Variants in CDK6 observed in about 807,000 individuals in gnomAD.
CDK6 encodes the protein cyclin-dependent kinase 6.
A neutral mutation model predicts 37.1 loss-of-function variants in CDK6; 6 were observed. That is an observed-to-expected ratio of 0.16 (90% CI 0.09 to 0.32). The LOEUF (loss-of-function observed/expected upper bound fraction) is 0.32, where lower values mean the gene tolerates loss of function less well. Ranked by LOEUF, CDK6 falls within the 10% of genes least tolerant of loss-of-function variation. The probability of loss-of-function intolerance (pLI) is 1.00; values close to 1 mark genes in which losing one functional copy is unlikely to be tolerated. For missense variants in CDK6, 224 were observed against 418.9 expected, an observed-to-expected ratio of 0.53 and a Z score of 4.06; for synonymous variants, 160 against 161.3, an observed-to-expected ratio of 0.99 and a Z score of 0.06.
intron 2 of CDK6, among the ~76,000 whole-genome samples, chr7:92,782,324 G>A (rs930077073): frequency 6.6e-6 from 1 of 152,042 alleles, no homozygotes; most frequent in Non-Finnish European, 1.5e-5. Context: ...ACCACAGATG[G>A]TCTCTGCCTT....
chr7:92,635,056 A>T (rs1489352065), intron 5 of CDK6, among the ~76,000 whole-genome samples: 2 of 152,236 alleles, frequency 1.3e-5, no homozygotes, highest in African/African-American at 2.4e-5. Context: ...AATAATGTGC[A>T]GTAAGTGCTC....
intron 2 of CDK6, among the ~76,000 whole-genome samples, chr7:92,814,778 G>A (rs1800983439): frequency 6.6e-6 from 1 of 152,012 alleles, no homozygotes; most frequent in African/African-American, 2.4e-5. Flanking sequence ...GAAATAAGGT[G>A]ATGGAAGAAG....
rs1028508292 is a variant in CDK6 at position 92,724,959 on chromosome 7, A to G, written c.537+667T>C. ...ATCCATCTGAGAAATAATGAACTAT[A>G]TGGAGAAATAGAAGCTAACCAATGT... On this transcript the variant is annotated intron_variant, in intron 4 of 7. Coordinates refer to ENST00000424848, the MANE Select transcript of CDK6 (RefSeq NM_001145306.2). 8.9e-6 allele frequency: 8 copies of G among 901,982 alleles called. No individual in the cohort carries two copies. In the East Asian group the frequency reaches 7.1e-4, roughly 80 times the overall value. 55.9% of individuals were successfully genotyped at this position (901,982 alleles called of 1,614,324 possible).
rs547758000 is a variant in CDK6 at position 92,824,143 on chromosome 7, GA to G, written c.233+8947del. Among the ~76,000 whole-genome samples the G allele has an allele frequency of 7.4e-3, 996 of 134,532 alleles. 4 individuals are homozygous for G. The highest frequency in any genetic ancestry group is 0.044 in the Middle Eastern group (12 of 270). 88.3% of individuals were successfully genotyped at this position (134,532 alleles called of 152,430 possible). The stretch of plus-strand genomic sequence containing the variant: ...TACTTTGCAATAAAAGGAAGCAAAG[GA>G]AAAAAAAAAAGCAAATTCACTAAAG... On this transcript the variant is annotated intron_variant, in intron 2 of 7. Transcript: ENST00000424848.
intron 4 of CDK6, among the ~76,000 whole-genome samples, chr7:92,712,868 A>G (rs1358441108): frequency 2.6e-5 from 4 of 151,186 alleles, no homozygotes; most frequent in Non-Finnish European, 5.9e-5. Context: ...GTATGTATGT[A>G]TGTATGTATG....
At chr7:92,661,744 A>C (rs1796839400) in intron 5 of CDK6, among the ~76,000 whole-genome samples, 1 of 152,106 alleles carries the variant, frequency 6.6e-6, no homozygotes. Flanking sequence ...GAGGTGGTGG[A>C]AAGGGAGATA....
chr7:92,730,271 A>G (rs1352697548), intron 3 of CDK6, among the ~76,000 whole-genome samples: 1 of 152,200 alleles, frequency 6.6e-6, no homozygotes, highest in Non-Finnish European at 1.5e-5. Context: ...AGGCAAAGAT[A>G]ATCTATTTTT....
At chr7:92,621,929 G>C (rs529810194) in intron 6 of CDK6, among the ~76,000 whole-genome samples, 1 of 151,868 alleles carries the variant, frequency 6.6e-6, no homozygotes, top group East Asian at 1.9e-4. Context: ...ACAAAATCAG[G>C]TTCCAGTTTT....
intron 3 of CDK6, among the ~76,000 whole-genome samples, chr7:92,750,339 A>T (rs1051717537): frequency 1.3e-5 from 2 of 152,132 alleles, no homozygotes; most frequent in Admixed American, 6.5e-5. Flanking sequence ...GAATTTTCCA[A>T]CTCTAAAAAT....
intron 2 of CDK6, among the ~76,000 whole-genome samples, chr7:92,810,951 A>C (rs750994704): frequency 2.0e-5 from 3 of 152,064 alleles, no homozygotes; most frequent in Non-Finnish European, 2.9e-5. Context: ...CTGTAGTCCC[A>C]GCTACTCAGG....
chr7:92,610,342 T>C lies in CDK6; in HGVS notation c.*4798A>G, dbSNP rs191709724. 1.2e-3 allele frequency: 273 copies of C among 232,078 alleles called. No homozygotes were observed. In the East Asian group the frequency reaches 0.015, roughly 13 times the overall value. 14.4% of individuals were successfully genotyped at this position (232,078 alleles called of 1,614,324 possible). ...CACTTCTACTCATTTAGCTAAACGT[T>C]ATCACTTCCTGGAAATGCTGAGAAA... On this transcript the variant is annotated 3_prime_UTR_variant, in exon 8 of 8. Transcript: ENST00000424848.
chr7:92,792,486 C>A (rs1399471764), intron 2 of CDK6, among the ~76,000 whole-genome samples: 1 of 152,026 alleles, frequency 6.6e-6, no homozygotes, highest in African/African-American at 2.4e-5. Context: ...ATGATATACA[C>A]TTTTTCTGAA....
chr7:92,771,743 A>G (rs1232940969), intron 3 of CDK6, among the ~76,000 whole-genome samples: 2 of 152,224 alleles, frequency 1.3e-5, no homozygotes, highest in Non-Finnish European at 2.9e-5. Flanking sequence ...CTGTACGAGT[A>G]TAGTCAGAGA....
At chr7:92,626,073 C>T (rs1457020487) in intron 5 of CDK6, among the ~76,000 whole-genome samples, 2 of 152,012 alleles carry the variant, frequency 1.3e-5, no homozygotes, top group Admixed American at 6.6e-5. Flanking sequence ...AAATTGTTAA[C>T]TTATCACCTT....
At chr7:92,660,802 G>A (rs1796818128) in intron 5 of CDK6, among the ~76,000 whole-genome samples, 1 of 152,100 alleles carries the variant, frequency 6.6e-6, no homozygotes, top group Admixed American at 6.6e-5. Flanking sequence ...GCGGGATGAG[G>A]GTTCCATTAA....
chr7:92,682,158 G>A (rs570458756), intron 4 of CDK6, among the ~76,000 whole-genome samples: 2 of 152,086 alleles, frequency 1.3e-5, no homozygotes, highest in East Asian at 3.9e-4. Flanking sequence ...CTGCCACTCT[G>A]TCTTCTTTAC....
chr7:92,754,158 G>A (rs140400660), intron 3 of CDK6, among the ~76,000 whole-genome samples: 143 of 152,156 alleles, frequency 9.4e-4, no homozygotes, highest in African/African-American at 3.3e-3. Flanking sequence ...TATCCTAATG[G>A]TTGCTTCTAT....
intron 4 of CDK6, among the ~76,000 whole-genome samples, chr7:92,678,442 G>C (rs1381766950): frequency 6.6e-6 from 1 of 152,022 alleles, no homozygotes; most frequent in East Asian, 1.9e-4. Flanking sequence ...CGGAAGGCAG[G>C]GGGGAGTTCA....
chr7:92,622,352 G>C (rs569252855), intron 6 of CDK6, among the ~76,000 whole-genome samples: 136 of 152,148 alleles, frequency 8.9e-4, no homozygotes, highest in Non-Finnish European at 1.6e-3. Context: ...ATTTAAGTCA[G>C]AGTTTCATTT....
Sources: allele counts gnomAD v4.1 joint callset (sites outside exome capture counted in the v4.1 genomes callset), GRCh38; gene constraint gnomAD v4.1.1; transcripts MANE v1.5; gene names NCBI Gene and HGNC (gene_info 2026-07-23, HGNC 2026-07-21).